VWF: variants seen among roughly 807,000 people sequenced by gnomAD.
The protein encoded by VWF is Factor VIII related antigen.
VWF carries 176 observed loss-of-function variants against 308.6 expected under a neutral mutation model. That is an observed-to-expected ratio of 0.57 (90% CI 0.50 to 0.65). VWF has a LOEUF of 0.65. VWF is among the 30% of genes least tolerant of loss of function. The pLI is 0.00. For synonymous variants in VWF, 1,385 were observed against 1,443.4 expected (o/e 0.96, Z 0.92); for missense variants, 3,146 against 3,648.2 (o/e 0.86, Z 3.55).
chr12:6,023,816 C>T lies in VWF; in HGVS notation c.3223-29G>A, dbSNP rs748490785. 11 of 1,609,058 alleles carry T rather than the reference C, an allele frequency of 6.8e-6. No homozygotes were observed. In the African/African-American group the frequency reaches 8.0e-5, roughly 12 times the overall value. ...CAAAGGCAGCCTCAGGTGGCCCAGGCCTATGGCCAGGTGTCAGGAACTCTG... is the reference window on the plus strand; with the variant it reads ...CAAAGGCAGCCTCAGGTGGCCCAGGTCTATGGCCAGGTGTCAGGAACTCTG... On this transcript the variant is annotated intron_variant, in intron 24 of 51. Coordinates refer to ENST00000261405, the MANE Select transcript of VWF (RefSeq NM_000552.5).
chr12:6,095,508 T>C lies in VWF; in HGVS notation c.609A>G (p.Ala203=), dbSNP rs757836378. 9.9e-6 allele frequency: 16 copies of C among 1,613,996 alleles called. No individual in the cohort carries two copies. In the African/African-American group the frequency reaches 2.0e-4, roughly 20 times the overall value. The change falls in exon 6 of 52, where the codon GCA becomes GCG. Residue 203 remains alanine (A), a synonymous_variant. Coordinates refer to ENST00000261405, the MANE Select transcript of VWF (RefSeq NM_000552.5). ...TGTTGCATGAGCTGCTGGGAGGAGATGCCCGTTCACACCACTGTTCTCCAC... is the reference window on the plus strand; with the variant it reads ...TGTTGCATGAGCTGCTGGGAGGAGACGCCCGTTCACACCACTGTTCTCCAC... ...LSSGEQWCER[A]SPPSSSCNIS...
intron 3 of VWF, 150 bp downstream of exon 3, chr12:6,121,024 A>G: frequency 1.9e-6 from 2 of 1,066,680 alleles, no homozygotes; most frequent in African/African-American, 3.1e-5. Context: ...AAGAGGGGCT[A>G]CGTGTCACAG....
chr12:6,067,180 A>G (rs1179420450), intron 10 of VWF, among the ~76,000 whole-genome samples: 1 of 152,200 alleles, frequency 6.6e-6, no homozygotes, highest in African/African-American at 2.4e-5. Context: ...ATGTGCTGTA[A>G]TTTCAAGTCC....
At chr12:5,953,962 A>G in intron 47 of VWF, 1 of 251,794 alleles carries the variant, frequency 4.0e-6, no homozygotes, top group Non-Finnish European at 7.8e-6. Context: ...GGTATTCCCT[A>G]TTTTGGTAAG....
chr12:6,053,590 G>A (rs565649652), intron 15 of VWF, among the ~76,000 whole-genome samples: 1 of 152,308 alleles, frequency 6.6e-6, no homozygotes, highest in African/African-American at 2.4e-5. Context: ...CAAGCCAGAA[G>A]GAAGTGTAGC....
chr12:6,085,444 A>G (rs1026373123), intron 6 of VWF, among the ~76,000 whole-genome samples: 1 of 152,156 alleles, frequency 6.6e-6, no homozygotes, highest in African/African-American at 2.4e-5. Context: ...GAAACATCTC[A>G]GTGAATATGC....
chr12:5,986,844 CACAGGCA>C (rs1306045241), intron 38 of VWF, among the ~76,000 whole-genome samples: 4 of 152,206 alleles, frequency 2.6e-5, no homozygotes, highest in African/African-American at 7.2e-5. Context: ...GCTAGGTTCC[CACAGGCA>C]CAGCGACAGA....
chr12:5,969,570 C>G (rs145039583), intron 44 of VWF, among the ~76,000 whole-genome samples, 179 bp from the exon 45 acceptor site: 2 of 152,354 alleles, frequency 1.3e-5, no homozygotes, highest in African/African-American at 4.8e-5. Context: ...TCAGTGAGCA[C>G]CACTCAAACA....
intron 44 of VWF, among the ~76,000 whole-genome samples, chr12:5,970,557 G>A (rs886184216): frequency 6.6e-6 from 1 of 152,168 alleles, no homozygotes; most frequent in South Asian, 2.1e-4. Flanking sequence ...GGGCACATGG[G>A]AGCAGAAGCA....
intron 46 of VWF, 36 bp downstream of exon 46, chr12:5,968,091 C>G: frequency 6.2e-7 from 1 of 1,613,918 alleles, no homozygotes; most frequent in South Asian, 1.1e-5. Flanking sequence ...TTCCCTGTCC[C>G]CACCACTTGC....
intron 18 of VWF, among the ~76,000 whole-genome samples, chr12:6,039,829 C>G (rs1473955737): frequency 6.6e-6 from 1 of 152,112 alleles, no homozygotes; most frequent in South Asian, 2.1e-4. Flanking sequence ...AGTGAGGAAA[C>G]TGGACATCCT....
intron 6 of VWF, among the ~76,000 whole-genome samples, chr12:6,084,385 C>T (rs957187544): frequency 3.3e-5 from 5 of 152,174 alleles, no homozygotes; most frequent in Admixed American, 6.5e-5. Flanking sequence ...CCAGGAGCTG[C>T]GGGAGAGCAG....
At chr12:6,036,721 A>G (rs1944341218) in intron 18 of VWF, among the ~76,000 whole-genome samples, 2 of 152,158 alleles carry the variant, frequency 1.3e-5, no homozygotes, top group Non-Finnish European at 2.9e-5. Context: ...TCCCATCTAC[A>G]TGGCTCCTCC....
chr12:6,042,536 C>T (rs923611612), intron 18 of VWF, among the ~76,000 whole-genome samples: 5 of 152,244 alleles, frequency 3.3e-5, no homozygotes, highest in Non-Finnish European at 7.3e-5. Flanking sequence ...TTTGCACACT[C>T]GCCGGCATCG....
chr12:6,022,505 G>T (rs1350935510), intron 26 of VWF, among the ~76,000 whole-genome samples: 2 of 150,612 alleles, frequency 1.3e-5, no homozygotes, highest in Non-Finnish European at 3.0e-5. Context: ...GGCAGGGGCT[G>T]CTTTAGGTGA....
intron 42 of VWF, among the ~76,000 whole-genome samples, chr12:5,978,223 GT>G (rs372875249): frequency 1.6e-4 from 23 of 145,902 alleles, no homozygotes; most frequent in East Asian, 2.0e-4. Flanking sequence ...CCCCAATGAG[GT>G]TTTTTTTTTA....
intron 22 of VWF, among the ~76,000 whole-genome samples, chr12:6,028,074 T>G (rs1246367839): frequency 2.0e-5 from 3 of 152,148 alleles, no homozygotes; most frequent in African/African-American, 7.2e-5. Flanking sequence ...TGAAAATGGA[T>G]GGTGTTATCA....
intron 47 of VWF, among the ~76,000 whole-genome samples, chr12:5,954,395 A>G (rs1943224928): frequency 6.6e-6 from 1 of 152,242 alleles, no homozygotes. Flanking sequence ...GTTCAAAAGC[A>G]CTGGAAGAAG....
At chr12:6,070,843 G>A (rs754668508) in intron 10 of VWF, among the ~76,000 whole-genome samples, 4 of 152,190 alleles carry the variant, frequency 2.6e-5, no homozygotes, top group East Asian at 3.9e-4. Context: ...CTGGTTTTCC[G>A]AGCTCTTGGA....
Sources: gnomAD v4.1 joint callset for allele counts (sites outside exome capture counted in the v4.1 genomes callset) on GRCh38, gnomAD v4.1.1 for gene constraint, MANE v1.5 for transcripts, NCBI Gene and HGNC (gene_info 2026-07-23, HGNC 2026-07-21) for gene names.